TMTC2: variants seen among roughly 807,000 people sequenced by gnomAD.
TMTC2 encodes transmembrane O-mannosyltransferase targeting cadherins 2.
TMTC2 carries 43 observed loss-of-function variants against 82.4 expected under a neutral mutation model. The ratio of observed to expected loss-of-function variants is 0.52; its 90% CI spans 0.41 to 0.67. The LOEUF (loss-of-function observed/expected upper bound fraction) is 0.67, where lower values mean the gene tolerates loss of function less well. TMTC2 is among the 30% of genes least tolerant of loss of function. TMTC2 has a pLI of 0.00. For synonymous variants in TMTC2, 408 were observed against 381.9 expected (o/e 1.07, Z -0.80); for missense variants, 919 against 1,012.4 (o/e 0.91, Z 1.25).
chr12:82,880,138 A>T (rs184703551), intron 2 of TMTC2, among the ~76,000 whole-genome samples: 2 of 152,368 alleles, frequency 1.3e-5, no homozygotes, highest in Admixed American at 1.3e-4. Context: ...AGAATAGAAC[A>T]AAACTGGATT....
chr12:82,836,836 A>T (rs1448614077), intron 1 of TMTC2, among the ~76,000 whole-genome samples: 1 of 152,110 alleles, frequency 6.6e-6, no homozygotes, highest in Non-Finnish European at 1.5e-5. Flanking sequence ...AGAAAAAAAA[A>T]ACAAAAGACA....
intron 1 of TMTC2, among the ~76,000 whole-genome samples, chr12:82,715,675 A>G (rs942394243): frequency 1.3e-5 from 2 of 152,214 alleles, no homozygotes; most frequent in African/African-American, 4.8e-5. Context: ...TTAAAGAAGG[A>G]CTTCATCTTC....
At chr12:83,021,291 A>G (rs917162540) in intron 8 of TMTC2, among the ~76,000 whole-genome samples, 1 of 151,100 alleles carries the variant, frequency 6.6e-6, no homozygotes, top group Admixed American at 6.6e-5. Flanking sequence ...TTTCTTCCAC[A>G]CTCTTTTATC....
intron 7 of TMTC2, among the ~76,000 whole-genome samples, chr12:82,978,824 C>G (rs933141002): frequency 2.6e-5 from 4 of 151,702 alleles, no homozygotes; most frequent in Admixed American, 6.6e-5. Context: ...GTCTATCTCT[C>G]TAGCCCTAAT....
At position 82,772,929 on chromosome 12, in the gene TMTC2, A is replaced by G. The variant is rs573864345; in HGVS notation, c.84-84081A>G. Among the ~76,000 whole-genome samples, 3 of 152,294 alleles carry G rather than the reference A, an allele frequency of 2.0e-5. No individual in the cohort carries two copies. The East Asian group carries it at 5.8e-4, about 29-fold the overall frequency. The stretch of plus-strand genomic sequence containing the variant: ...TTTCCTAGGTATAAATGAAAAAAGG[A>G]TAATTATTAATTACTTTAGAAAATT... On this transcript the variant is annotated intron_variant, in intron 1 of 11. Coordinates refer to ENST00000321196, the MANE Select transcript of TMTC2 (RefSeq NM_152588.3).
intron 11 of TMTC2, among the ~76,000 whole-genome samples, chr12:83,129,590 C>T (rs1885199563): frequency 6.6e-6 from 1 of 152,140 alleles, no homozygotes; most frequent in Admixed American, 6.5e-5. Context: ...ACTTTACCAT[C>T]CATTTTCACA....
chr12:82,802,541 T>C (rs534954752), intron 1 of TMTC2, among the ~76,000 whole-genome samples: 2 of 152,290 alleles, frequency 1.3e-5, no homozygotes, highest in East Asian at 3.9e-4. Context: ...CATCAGGCAA[T>C]TGGGTAAAGA....
At chr12:82,833,948 T>A (rs1869889659) in intron 1 of TMTC2, among the ~76,000 whole-genome samples, 1 of 152,192 alleles carries the variant, frequency 6.6e-6, no homozygotes, top group African/African-American at 2.4e-5. Context: ...CTTAGAGATC[T>A]GAGAAAAAAT....
chr12:82,866,624 A>G (rs1226638525), intron 2 of TMTC2, among the ~76,000 whole-genome samples: 1 of 152,180 alleles, frequency 6.6e-6, no homozygotes, highest in Non-Finnish European at 1.5e-5. Context: ...GGGGGAATCA[A>G]ATTGACTGAG....
chr12:82,724,541 C>G (rs1874359450), intron 1 of TMTC2, among the ~76,000 whole-genome samples: 1 of 152,110 alleles, frequency 6.6e-6, no homozygotes, highest in African/African-American at 2.4e-5. Context: ...AGGTGCTTGC[C>G]TCTTCACCTT....
chr12:82,966,904 T>G lies in TMTC2; in HGVS notation c.1870-15T>G. 1 of 1,580,662 alleles carries G rather than the reference T, an allele frequency of 6.3e-7. No homozygotes were observed. The highest frequency in any genetic ancestry group is 8.6e-7 in the Non-Finnish European group (1 of 1,157,776). ...TTATTGATGATTTATCTATTTTTTT[T>G]GTTTTATAAATTAGGAAGCCCTTAG... On this transcript the variant is annotated splice_polypyrimidine_tract_variant and intron_variant, in intron 6 of 11. Transcript: ENST00000321196.
chr12:82,966,991 A>G lies in TMTC2; in HGVS notation c.1942A>G (p.Met648Val). The change falls in exon 7 of 12, where the codon ATG (methionine) becomes GTG (valine). Residue 648 changes from methionine to valine, a missense_variant. Physicochemically the swap from Met to Val is conservative, Grantham distance 21 (BLOSUM62 1). Transcript: ENST00000321196. ...RQFAPQSLYN[M>V]MGEAYMRLSK... Reference sequence around the variant, plus strand: ...GTTTGCCCCACAGAGCTTGTACAACATGATGGGTAAGTAAAACATTAACAC... The same window carrying G: ...GTTTGCCCCACAGAGCTTGTACAACGTGATGGGTAAGTAAAACATTAACAC... The G allele has an allele frequency of 6.2e-7, 1 of 1,612,364 alleles. No homozygotes were observed. Among genetic ancestry groups the G allele is most frequent in the African/African-American group, 1.3e-5 (1 of 74,984 alleles).
intron 8 of TMTC2, among the ~76,000 whole-genome samples, chr12:83,005,321 T>G (rs1880144810): frequency 7.3e-6 from 1 of 137,604 alleles, no homozygotes; most frequent in African/African-American, 2.9e-5. Context: ...GCAAGGAGAC[T>G]CTGGTCTCCA....
intron 4 of TMTC2, among the ~76,000 whole-genome samples, chr12:82,955,552 G>T (rs1316195235): frequency 6.6e-6 from 1 of 152,168 alleles, no homozygotes; most frequent in Non-Finnish European, 1.5e-5. Flanking sequence ...TACTACACAT[G>T]CAGTATTACT....
chr12:82,997,414 A>ATATATATATGTGTATATATATATGTG (rs1201899656), intron 8 of TMTC2, among the ~76,000 whole-genome samples: 1 of 29,980 alleles, frequency 3.3e-5, no homozygotes, highest in South Asian at 3.3e-3. Flanking sequence ...ATATATGTGT[A>ATATATATATGTGTATATATATATGTG]TATATATATA....
chr12:82,949,890 T>C (rs1877252329), intron 4 of TMTC2, among the ~76,000 whole-genome samples: 1 of 152,168 alleles, frequency 6.6e-6, no homozygotes. Flanking sequence ...AGTGTATTGG[T>C]TGTGATGCAT....
At chr12:82,716,395 G>T (rs1371638514) in intron 1 of TMTC2, among the ~76,000 whole-genome samples, 5 of 139,064 alleles carry the variant, frequency 3.6e-5, no homozygotes, top group Non-Finnish European at 7.5e-5. Flanking sequence ...ACGGAGTCTC[G>T]CTTTGTCGCC....
At chr12:82,976,888 A>G (rs2137322052) in intron 7 of TMTC2, among the ~76,000 whole-genome samples, 1 of 152,162 alleles carries the variant, frequency 6.6e-6, no homozygotes, top group Non-Finnish European at 1.5e-5. Flanking sequence ...CATACTTCGT[A>G]AAAAAATGTA....
chr12:82,761,007 C>G lies in TMTC2; in HGVS notation c.83+73338C>G, dbSNP rs114216541. ...TAAAGTACACAATATATGTAATGCA[C>G]TTGAATCATCCTGAAACCATCCCGT... is the stretch of plus-strand genomic sequence containing the variant. On this transcript the variant is annotated intron_variant, in intron 1 of 11. Transcript: ENST00000321196. The G allele has an allele frequency of 6.3e-3, 1,000 of 158,324 alleles. 11 individuals are homozygous for G. Among genetic ancestry groups the G allele is most frequent in the African/African-American group, 0.023 (939 of 41,568 alleles). The allele number at this position is 158,324 out of a possible 1,614,324, so 9.8% of individuals were successfully genotyped here. A position where few individuals can be genotyped will look rare whatever the true frequency, so the allele number is the denominator to read the frequency against.
Sources: gnomAD v4.1 joint callset for allele counts (sites outside exome capture counted in the v4.1 genomes callset) on GRCh38, gnomAD v4.1.1 for gene constraint, MANE v1.5 for transcripts, NCBI Gene and HGNC (gene_info 2026-07-23, HGNC 2026-07-21) for gene names.